Variants in DCAF1 observed in about 807,000 individuals in gnomAD.
The protein encoded by DCAF1 is DDB1- and CUL4-associated factor 1.
Under a neutral mutation model 128.0 loss-of-function variants are expected in DCAF1, and 15 were observed. The ratio of observed to expected loss-of-function variants is 0.12; its 90% confidence interval spans 0.08 to 0.18. The LOEUF (loss-of-function observed/expected upper bound fraction) is 0.18, where lower values mean the gene tolerates loss of function less well. DCAF1 is among the 10% of genes least tolerant of loss of function. The probability of loss-of-function intolerance (pLI) is 1.00; values close to 1 mark genes in which losing one functional copy is unlikely to be tolerated. For synonymous variants in DCAF1, 610 were observed against 603.0 expected, an observed-to-expected ratio of 1.01 and a Z score of -0.17; for missense variants, 988 against 1,649.5, an observed-to-expected ratio of 0.60 and a Z score of 6.95.
At chr3:51,437,477 G>A (rs1188314378) in intron 9 of DCAF1, 4 of 456,820 alleles carry the variant, frequency 8.8e-6, no homozygotes, top group African/African-American at 8.0e-5. Context: ...TTCTCAACAG[G>A]TAACTACTGA....
intron 8 of DCAF1, 128 bp downstream of exon 8, chr3:51,441,257 A>G (rs782137424): frequency 3.9e-6 from 5 of 1,294,200 alleles, no homozygotes; most frequent in Non-Finnish European, 5.2e-6. Context: ...AGACTTGAAC[A>G]GTTTCATGCA....
At chr3:51,426,041 T>A (rs1577106780) in intron 13 of DCAF1, among the ~76,000 whole-genome samples, 1 of 152,192 alleles carries the variant, frequency 6.6e-6, no homozygotes, top group Non-Finnish European at 1.5e-5. Context: ...CCTTTTGCAC[T>A]CTCATTCTCT....
Position 51,486,783 on chromosome 3 carries a change from G to A in DCAF1, c.-8-2947C>T, listed in dbSNP as rs900691688. On this transcript the variant is annotated intron_variant, in intron 2 of 24. Transcript: ENST00000684031. ...CGAGTAGCTGGGACTACAGATACAC[G>A]CCAGCATGCCCGGCTAATTTTTGTA... Among the ~76,000 whole-genome samples, 8 of 151,504 alleles carry A rather than the reference G, an allele frequency of 5.3e-5. No homozygotes were observed. In the South Asian group the frequency reaches 1.0e-3, roughly 20 times the overall value.
intron 3 of DCAF1, among the ~76,000 whole-genome samples, chr3:51,480,147 C>T (rs1223924979): frequency 4.0e-5 from 6 of 151,310 alleles, no homozygotes; most frequent in African/African-American, 1.5e-4. Context: ...GATGGGGAGC[C>T]CAAACCTACC....
rs1559589770 is a variant in DCAF1 at position 51,496,346 on chromosome 3, G to GA, written c.-9+387dup. Among the ~76,000 whole-genome samples, 4 of 152,226 alleles carry GA rather than the reference G, an allele frequency of 2.6e-5. No homozygotes were observed. In the South Asian group the frequency reaches 8.3e-4, roughly 32 times the overall value. On this transcript the variant is annotated intron_variant, in intron 2 of 24. Coordinates refer to ENST00000684031, the MANE Select transcript of DCAF1 (RefSeq NM_001387579.1). ...GGAGGCTGAGGCAGCAGAATCGCTT[G>GA]AACCCAGGAGACAGAGGTTGCAGTG...
chr3:51,420,654 C>T lies in DCAF1; in HGVS notation c.2316G>A (p.Arg772=), dbSNP rs1699310076. ...LVGLSRSSTV[R]QIISKLPLFS... The stretch of plus-strand genomic sequence containing the variant: ...AAAGGGGCAGTTTACTGATGATCTG[C>T]CGGACAGTGCTACTGCGAGACAGGC... Residue 772 remains arginine (R), a synonymous_variant, in exon 15 of 25, where the codon CGG becomes CGA. Coordinates refer to ENST00000684031, the MANE Select transcript of DCAF1 (RefSeq NM_001387579.1). The surrounding 1 kb of genome is among the most constrained non-coding windows in gnomAD (Gnocchi z 6.5). 1.2e-6 allele frequency: 2 copies of T among 1,613,932 alleles called. No homozygotes were observed. Among genetic ancestry groups the T allele is most frequent in the African/African-American group, 2.7e-5 (2 of 74,926 alleles).
At chr3:51,471,082 G>A (rs1408420702) in intron 3 of DCAF1, 77 bp from the exon 4 acceptor site, 12 of 878,634 alleles carry the variant, frequency 1.4e-5, no homozygotes, top group East Asian at 2.5e-5. Flanking sequence ...TCAATTCAAC[G>A]GTCAAGGTAG....
chr3:51,408,459 T>C (rs978978086), intron 23 of DCAF1, among the ~76,000 whole-genome samples: 2 of 152,216 alleles, frequency 1.3e-5, no homozygotes, highest in African/African-American at 2.4e-5. Flanking sequence ...GGACAAAACT[T>C]TGAATAGCAA....
intron 3 of DCAF1, among the ~76,000 whole-genome samples, chr3:51,478,167 C>T (rs782728601): frequency 2.0e-5 from 3 of 152,002 alleles, no homozygotes; most frequent in African/African-American, 2.4e-5. Context: ...CCACGCCTGG[C>T]TAATTTTTGT....
chr3:51,432,883 G>A (rs1700514912), intron 10 of DCAF1, among the ~76,000 whole-genome samples: 1 of 152,138 alleles, frequency 6.6e-6, no homozygotes, highest in East Asian at 1.9e-4. Flanking sequence ...AATCCACCCA[G>A]CATTTTCCCA....
chr3:51,429,042 T>G (rs1553634825), intron 12 of DCAF1, among the ~76,000 whole-genome samples: 1 of 152,154 alleles, frequency 6.6e-6, no homozygotes, highest in Non-Finnish European at 1.5e-5. Context: ...TCAGTTAATC[T>G]TTTAGTTCTA....
rs150385433 is a variant in DCAF1 at position 51,420,750 on chromosome 3, G to A, written c.2220C>T (p.Ser740=). The part of the protein sequence containing the change: ...QSNNGIKVLL[S]LLSIKMPITD... ...TGATGGGCATCTTAATGGACAGTAA[G>A]GACAGGAGCACCTTGATGCCGTTGT... Residue 740 remains serine (S), a synonymous_variant, in exon 15 of 25, where the codon TCC becomes TCT. Transcript: ENST00000684031. This position sits in a 1 kb window ranked among gnomAD's most constrained non-coding sequence, Gnocchi z 6.5. The A allele has an allele frequency of 4.9e-3, 7,913 of 1,614,044 alleles. 34 individuals are homozygous for A. The highest frequency in any genetic ancestry group is 7.6e-3 in the Middle Eastern group (46 of 6,062).
intron 9 of DCAF1, chr3:51,436,379 G>A (rs556717263): frequency 1.9e-5 from 10 of 519,922 alleles, no homozygotes; most frequent in Non-Finnish European, 3.8e-5. Flanking sequence ...AGATGTTGCT[G>A]CAGTTTCTGC....
chr3:51,425,832 G>A (rs1226229592), intron 13 of DCAF1, among the ~76,000 whole-genome samples: 1 of 151,850 alleles, frequency 6.6e-6, no homozygotes, highest in Non-Finnish European at 1.5e-5. Context: ...CCTAAGTGCT[G>A]GGATTACAGG....
chr3:51,441,129 A>G, intron 8 of DCAF1, 58 bp from the exon 9 acceptor site: 1 of 1,456,850 alleles, frequency 6.9e-7, no homozygotes, highest in African/African-American at 1.4e-5. Context: ...TGTATTTCCT[A>G]TTCCACTCTT....
intron 9 of DCAF1, among the ~76,000 whole-genome samples, chr3:51,439,861 C>T (rs528790528): frequency 6.6e-6 from 1 of 151,784 alleles, no homozygotes; most frequent in South Asian, 2.1e-4. Context: ...GGCATGGTGG[C>T]AGGCACCTGT....
intron 9 of DCAF1, among the ~76,000 whole-genome samples, chr3:51,438,286 T>C (rs1701041883): frequency 6.6e-6 from 1 of 152,196 alleles, no homozygotes; most frequent in South Asian, 2.1e-4. Context: ...TTGCTTACGA[T>C]ATACCAGTCC....
chr3:51,398,961 A>T, intron 24 of DCAF1, 134 bp from the exon 25 acceptor site: 1 of 1,098,764 alleles, frequency 9.1e-7, no homozygotes. Flanking sequence ...AAGAAAACAC[A>T]TCAATTAACT....
intron 10 of DCAF1, among the ~76,000 whole-genome samples, chr3:51,431,870 C>T (rs1700416459): frequency 6.6e-6 from 1 of 151,648 alleles, no homozygotes; most frequent in Non-Finnish European, 1.5e-5. Flanking sequence ...ACTTGGGAGG[C>T]TGAAGTGGGA....
Sources: allele counts gnomAD v4.1 joint callset (sites outside exome capture counted in the v4.1 genomes callset), GRCh38; gene constraint gnomAD v4.1.1; non-coding constraint Gnocchi (gnomAD v3.1); transcripts MANE v1.5; gene names NCBI Gene and HGNC (gene_info 2026-07-23, HGNC 2026-07-21).